ZRANB1: variants seen among roughly 807,000 people sequenced by gnomAD.
ZRANB1 encodes zinc finger RANBP2-type containing 1.
In ZRANB1, 16 loss-of-function variants were observed where a neutral mutation model predicts 80.5. The observed-to-expected ratio is 0.20, with a 90% CI of 0.13 to 0.30. The LOEUF (loss-of-function observed/expected upper bound fraction) is 0.30, where lower values mean the gene tolerates loss of function less well. Ranked by LOEUF, ZRANB1 falls within the 10% of genes least tolerant of loss-of-function variation. The pLI is 1.00. For missense variants in ZRANB1, 576 were observed against 862.6 expected (o/e 0.67, Z 4.16); for synonymous variants, 291 against 293.1 (o/e 0.99, Z 0.07).
rs748232153 is a variant in ZRANB1, at chr10:124,966,832, C to A, written c.1002+51C>A. On this transcript the variant is annotated intron_variant, in intron 2 of 8. Transcript: ENST00000359653. ...TTCTTTTATATTAAAGAAACCTGTT[C>A]TTTAGTTTTCATTTTTGATTTTATA... 8 of 1,490,002 alleles carry A rather than the reference C, an allele frequency of 5.4e-6. No individual in the cohort carries two copies. In the African/African-American group the frequency reaches 9.9e-5, roughly 18 times the overall value. 92.3% of individuals were successfully genotyped at this position (1,490,002 alleles called of 1,614,324 possible).
chr10:124,935,003 A>G, the ZRANB1 span, among the ~76,000 whole-genome samples: 1 of 152,268 alleles, frequency 6.6e-6, no homozygotes. Flanking sequence ...ATAGAACCAG[A>G]GAGCTTCAGA....
chr10:124,947,622 T>A (rs980647236), intron 1 of ZRANB1, among the ~76,000 whole-genome samples: 1 of 152,202 alleles, frequency 6.6e-6, no homozygotes, highest in Non-Finnish European at 1.5e-5. Flanking sequence ...CATTTCAAGC[T>A]CAGTAATGCT....
At chr10:124,961,177 T>C (rs11245445) in intron 1 of ZRANB1, among the ~76,000 whole-genome samples, 20,483 of 152,080 alleles carry the variant, frequency 0.13, 1,856 homozygotes, top group South Asian at 0.27. Flanking sequence ...AATTTTTTTT[T>C]GTATTTTGAG....
chr10:124,924,386 A>G, the ZRANB1 span, among the ~76,000 whole-genome samples: 16 of 151,924 alleles, frequency 1.1e-4, no homozygotes, highest in African/African-American at 3.6e-4. Context: ...AGTTTTTAGT[A>G]TACTTAACAG....
At chr10:124,982,635 C>A (rs1432104438) in intron 6 of ZRANB1, among the ~76,000 whole-genome samples, 1 of 152,016 alleles carries the variant, frequency 6.6e-6, no homozygotes, top group African/African-American at 2.4e-5. Flanking sequence ...GAAGGAGGTA[C>A]CCGATCTTTG....
chr10:124,917,887 T>C, the ZRANB1 span, among the ~76,000 whole-genome samples: 1 of 152,158 alleles, frequency 6.6e-6, no homozygotes, highest in African/African-American at 2.4e-5. Flanking sequence ...TGCTATGGTT[T>C]GGTGCGGGTC....
chr10:124,926,706 A>G, the ZRANB1 span, among the ~76,000 whole-genome samples: 2 of 152,232 alleles, frequency 1.3e-5, no homozygotes, highest in Admixed American at 6.5e-5. Context: ...CATACTTATT[A>G]TCATGATCAG....
rs757282266 is a variant in ZRANB1, at chr10:124,975,346, A to G, written c.1427+948A>G. ...ACTCGTGGGTCAATTCGTTGTAGAC[A>G]TCATGATGCTTTACCCTTCAAAATA... On this transcript the variant is annotated intron_variant, in intron 5 of 8. Transcript: ENST00000359653. Among the ~76,000 whole-genome samples the G allele has an allele frequency of 3.9e-5, 6 of 152,348 alleles. No homozygotes were observed. In the South Asian group the frequency reaches 6.2e-4, roughly 16 times the overall value.
the ZRANB1 span, among the ~76,000 whole-genome samples, chr10:124,926,600 C>G: frequency 6.6e-6 from 1 of 152,214 alleles, no homozygotes; most frequent in Admixed American, 6.5e-5. Context: ...CCTGAAGGAC[C>G]TGCCTAGGGC....
At chr10:124,945,245 C>A (rs1341655860) in intron 1 of ZRANB1, 1 of 152,162 alleles carries the variant, frequency 6.6e-6, no homozygotes, top group Non-Finnish European at 1.5e-5. Context: ...CTGCCCCCTA[C>A]CCCTACCCGC....
upstream of ZRANB1, chr10:124,940,674 C>A: frequency 2.0e-6 from 1 of 497,394 alleles, no homozygotes; most frequent in East Asian, 7.8e-5. Context: ...ATACAGTATA[C>A]TTCAAAAGTG....
At chr10:124,936,956 T>G in the ZRANB1 span, among the ~76,000 whole-genome samples, 2 of 151,952 alleles carry the variant, frequency 1.3e-5, no homozygotes, top group African/African-American at 4.8e-5. Flanking sequence ...GGCTGCTTTT[T>G]GTTGTTGTTG....
chr10:124,962,494 C>A, intron 1 of ZRANB1: 2 of 761,946 alleles, frequency 2.6e-6, no homozygotes, highest in Non-Finnish European at 3.2e-6. Context: ...GAAAATAAGG[C>A]AAAACTTTGA....
chr10:124,979,128 G>A (rs58585148), intron 5 of ZRANB1, among the ~76,000 whole-genome samples: 1 of 152,178 alleles, frequency 6.6e-6, no homozygotes, highest in Non-Finnish European at 1.5e-5. Flanking sequence ...AGAATTTGAA[G>A]AAATTGGAAT....
chr10:124,925,028 T>C, the ZRANB1 span, among the ~76,000 whole-genome samples: 1 of 151,882 alleles, frequency 6.6e-6, no homozygotes. Flanking sequence ...ATGTCTCAGC[T>C]TCCTGAGTAG....
At chr10:124,934,082 A>G in the ZRANB1 span, among the ~76,000 whole-genome samples, 21 of 152,372 alleles carry the variant, frequency 1.4e-4, no homozygotes, top group Admixed American at 6.5e-4. Context: ...TGTATCCTTG[A>G]CAGATTAAAA....
intron 1 of ZRANB1, among the ~76,000 whole-genome samples, chr10:124,954,822 G>A (rs1289474399): frequency 6.6e-6 from 1 of 151,022 alleles, no homozygotes; most frequent in African/African-American, 2.4e-5. Flanking sequence ...CTTATTAATA[G>A]TTTTGAACTT....
chr10:124,936,889 AATT>A, the ZRANB1 span, among the ~76,000 whole-genome samples: 1 of 152,158 alleles, frequency 6.6e-6, no homozygotes, highest in Non-Finnish European at 1.5e-5. Flanking sequence ...ATAAGCTAAT[AATT>A]ATTTATATTA....
At position 124,987,248 on chromosome 10, in the gene ZRANB1, A is replaced by ATGAC. The variant is rs1256623167; in HGVS notation, c.*2262_*2265dup. The ATGAC allele has an allele frequency of 2.0e-5, 3 of 152,736 alleles. No individual in the cohort carries two copies. The highest frequency in any genetic ancestry group is 3.9e-4 in the East Asian group (2 of 5,184). 9.5% of individuals were successfully genotyped at this position (152,736 alleles called of 1,614,324 possible). On this transcript the variant is annotated 3_prime_UTR_variant, in exon 9 of 9. Transcript: ENST00000359653. ...ATACGTGGCTAGGTGACAGACATTA[A>ATGAC]TGACTGACTCTGGAGAGTAAGTCAT... is the stretch of plus-strand genomic sequence containing the variant.
Sources: gnomAD v4.1 joint callset for allele counts (sites outside exome capture counted in the v4.1 genomes callset) on GRCh38, gnomAD v4.1.1 for gene constraint, MANE v1.5 for transcripts, NCBI Gene and HGNC (gene_info 2026-07-23, HGNC 2026-07-21) for gene names.